Variants in UNC13C observed in about 807,000 individuals in gnomAD.
UNC13C encodes the protein protein unc-13 homolog C.
In UNC13C, 174 loss-of-function variants were observed where a neutral mutation model predicts 245.4. That is an observed-to-expected ratio of 0.71 (90% CI 0.63 to 0.80). The LOEUF (loss-of-function observed/expected upper bound fraction) is 0.80, where lower values mean the gene tolerates loss of function less well. UNC13C is among the 30% of genes least tolerant of loss of function. The pLI, the probability that UNC13C is intolerant of heterozygous loss-of-function variation, is 0.00. For synonymous variants in UNC13C, 992 were observed against 895.1 expected (o/e 1.11, Z -1.93); for missense variants, 2,829 against 2,602.9 (o/e 1.09, Z -1.89).
chr15:54,362,783 A>G (rs1424964368), intron 17 of UNC13C, among the ~76,000 whole-genome samples: 1 of 152,202 alleles, frequency 6.6e-6, no homozygotes, highest in Non-Finnish European at 1.5e-5. Context: ...AGGGAAAGTT[A>G]AAATGTGGAA....
At chr15:54,150,786 A>G (rs1268678488) in intron 4 of UNC13C, among the ~76,000 whole-genome samples, 1 of 152,208 alleles carries the variant, frequency 6.6e-6, no homozygotes, top group African/African-American at 2.4e-5. Flanking sequence ...TTTAGTGGGA[A>G]ATATACTTTG....
intron 1 of UNC13C, among the ~76,000 whole-genome samples, chr15:53,988,263 C>T (rs910869943): frequency 6.6e-6 from 1 of 151,972 alleles, no homozygotes; most frequent in Non-Finnish European, 1.5e-5. Context: ...TACAATACAG[C>T]AGTTTCCTAT....
chr15:54,398,161 G>T (rs956366833), intron 18 of UNC13C, among the ~76,000 whole-genome samples: 7 of 151,300 alleles, frequency 4.6e-5, no homozygotes, highest in Non-Finnish European at 1.0e-4. Context: ...TTTTTATCAT[G>T]AAAGGGTGTT....
intron 25 of UNC13C, among the ~76,000 whole-genome samples, chr15:54,528,923 C>T (rs1895610829): frequency 6.6e-6 from 1 of 152,184 alleles, no homozygotes; most frequent in Admixed American, 6.6e-5. Context: ...CATCATTTTC[C>T]CCACCATCTC....
chr15:54,489,878 C>T (rs1244301731), intron 19 of UNC13C, among the ~76,000 whole-genome samples: 2 of 152,122 alleles, frequency 1.3e-5, no homozygotes, highest in Admixed American at 6.5e-5. Flanking sequence ...TTTGTACTGT[C>T]CTCAAGATCA....
intron 4 of UNC13C, among the ~76,000 whole-genome samples, chr15:54,209,851 A>T (rs1286358752): frequency 6.6e-6 from 1 of 152,156 alleles, no homozygotes; most frequent in East Asian, 1.9e-4. Context: ...TAGAATTGGG[A>T]TAGTCAATTT....
At chr15:54,391,777 A>C (rs925019800) in intron 17 of UNC13C, among the ~76,000 whole-genome samples, 1 of 152,136 alleles carries the variant, frequency 6.6e-6, no homozygotes, top group Non-Finnish European at 1.5e-5. Flanking sequence ...TTAAAAGTAC[A>C]TTATAGTCTA....
chr15:54,327,092 G>A (rs1453618350), intron 14 of UNC13C, among the ~76,000 whole-genome samples: 1 of 151,930 alleles, frequency 6.6e-6, no homozygotes, highest in Non-Finnish European at 1.5e-5. Flanking sequence ...ATCAGGAGTT[G>A]AAAAGTAACA....
At chr15:54,302,590 C>T (rs1350983304) in intron 13 of UNC13C, among the ~76,000 whole-genome samples, 2 of 152,092 alleles carry the variant, frequency 1.3e-5, no homozygotes, top group Non-Finnish European at 2.9e-5. Flanking sequence ...TGTCAAAGAT[C>T]AGATAGTTGT....
intron 19 of UNC13C, among the ~76,000 whole-genome samples, chr15:54,429,291 A>T (rs1248090392): frequency 6.6e-6 from 1 of 151,806 alleles, no homozygotes; most frequent in Admixed American, 6.6e-5. Context: ...GAATGTTTTT[A>T]ATTATTGTGA....
intron 2 of UNC13C, among the ~76,000 whole-genome samples, chr15:54,073,259 A>G (rs1898420703): frequency 1.3e-5 from 2 of 151,836 alleles, no homozygotes; most frequent in South Asian, 4.2e-4. Flanking sequence ...TATGTGCCAC[A>G]TTTTCTTTAT....
intron 4 of UNC13C, among the ~76,000 whole-genome samples, chr15:54,170,595 G>A (rs1008908646): frequency 6.6e-6 from 1 of 151,566 alleles, no homozygotes; most frequent in Non-Finnish European, 1.5e-5. Context: ...TTATTTTTCT[G>A]AGGAAGAGAC....
At chr15:54,099,151 G>A (rs931654967) in intron 2 of UNC13C, among the ~76,000 whole-genome samples, 3 of 152,192 alleles carry the variant, frequency 2.0e-5, no homozygotes, top group Non-Finnish European at 2.9e-5. Context: ...GTTTTGTCAA[G>A]AGTAGAACCA....
chr15:54,238,580 A>C (rs2035769529), intron 7 of UNC13C, among the ~76,000 whole-genome samples: 1 of 152,246 alleles, frequency 6.6e-6, no homozygotes, highest in South Asian at 2.1e-4. Flanking sequence ...AACATTCAGC[A>C]TAGCTTAGGT....
At chr15:54,192,945 AAAAG>A (rs2141329234) in intron 4 of UNC13C, among the ~76,000 whole-genome samples, 1 of 152,162 alleles carries the variant, frequency 6.6e-6, no homozygotes, top group Non-Finnish European at 1.5e-5. Flanking sequence ...GATGAAAGGA[AAAAG>A]AAAGAAGTGA....
intron 1 of UNC13C, among the ~76,000 whole-genome samples, chr15:53,980,894 C>T (rs563578295): frequency 6.6e-6 from 1 of 152,106 alleles, no homozygotes; most frequent in Non-Finnish European, 1.5e-5. Context: ...AAATGTGAAG[C>T]AATATAGTTT....
At chr15:54,152,593 C>T (rs2032569013) in intron 4 of UNC13C, among the ~76,000 whole-genome samples, 2 of 152,126 alleles carry the variant, frequency 1.3e-5, no homozygotes, top group South Asian at 2.1e-4. Flanking sequence ...ACCACTGATA[C>T]ATCCTTTATG....
intron 2 of UNC13C, chr15:54,050,509 A>T: frequency 2.0e-6 from 1 of 511,846 alleles, no homozygotes; most frequent in Non-Finnish European, 4.0e-6. Flanking sequence ...ACCTTCTCCA[A>T]TTGTAACTAA....
chr15:54,318,154 C>T (rs1197732566), intron 13 of UNC13C, among the ~76,000 whole-genome samples: 1 of 151,946 alleles, frequency 6.6e-6, no homozygotes, highest in Admixed American at 6.6e-5. Flanking sequence ...TAGGTTGATT[C>T]TATTCCTTGG....
Sources: allele counts gnomAD v4.1 joint callset (sites outside exome capture counted in the v4.1 genomes callset), GRCh38; gene constraint gnomAD v4.1.1; transcripts MANE v1.5; gene names NCBI Gene and HGNC (gene_info 2026-07-23, HGNC 2026-07-21).